EFHC2: variants seen among roughly 807,000 people sequenced by gnomAD.
EFHC2 encodes the protein EF-hand domain containing 2.
A neutral mutation model predicts 52.7 loss-of-function variants in EFHC2; 18 were observed. The observed-to-expected ratio is 0.34, with a 90% CI of 0.24 to 0.51. The LOEUF (loss-of-function observed/expected upper bound fraction) is 0.51, where lower values mean the gene tolerates loss of function less well. EFHC2 is among the 20% of genes least tolerant of loss of function. The pLI is 0.97. For missense variants in EFHC2, 513 were observed against 562.5 expected (o/e 0.91, Z 0.89); for synonymous variants, 203 against 204.1 (o/e 0.99, Z 0.04).
rs762888266 is a variant in EFHC2 at position 44,246,773 on chromosome X, C to A, written c.1111+1499G>T. 3.1e-3 allele frequency among the ~76,000 whole-genome samples: 349 copies of A among 111,771 alleles called. 1 individual carries two copies. Among genetic ancestry groups the A allele is most frequent in the Non-Finnish European group, 5.3e-3 (280 of 53,197 alleles). ...CCCAAATGCAACTTTCATATTCTCACCAAGCTGACAGACAAACATCAACCA... is the reference window on the plus strand; with the variant it reads ...CCCAAATGCAACTTTCATATTCTCAACAAGCTGACAGACAAACATCAACCA... On this transcript the variant is annotated intron_variant, in intron 7 of 14. Coordinates refer to ENST00000420999, the MANE Select transcript of EFHC2 (RefSeq NM_025184.4).
intron 2 of EFHC2, 112 bp from the exon 3 acceptor site, chrX:44,272,948 G>T (rs1302149742): frequency 3.4e-5 from 22 of 639,128 alleles, no homozygotes; most frequent in Non-Finnish European, 4.1e-5. Flanking sequence ...AAAGTAGAGA[G>T]AATTTTTCCA....
At chrX:44,337,700 T>C (rs1298206534) in intron 1 of EFHC2, among the ~76,000 whole-genome samples, 2 of 112,550 alleles carry the variant, frequency 1.8e-5, no homozygotes, top group African/African-American at 6.4e-5. Flanking sequence ...TTTATTTATT[T>C]CACATAAATT....
intron 3 of EFHC2, among the ~76,000 whole-genome samples, chrX:44,267,069 T>A (rs943693538): frequency 8.9e-6 from 1 of 111,785 alleles, no homozygotes; most frequent in Admixed American, 9.5e-5. Flanking sequence ...CACTTTCAAC[T>A]GAGAACAACT....
chrX:44,200,211 T>A (rs2036996379), intron 11 of EFHC2, among the ~76,000 whole-genome samples: 4 of 111,642 alleles, frequency 3.6e-5, no homozygotes, highest in African/African-American at 1.3e-4. Flanking sequence ...AAAGATTTTT[T>A]AAAAACTACT....
At chrX:44,301,190 C>T (rs1278135058) in intron 2 of EFHC2, among the ~76,000 whole-genome samples, 2 of 109,366 alleles carry the variant, frequency 1.8e-5, no homozygotes, top group African/African-American at 6.7e-5. Context: ...GATCAGCTGG[C>T]ACCACCCAGA....
At chrX:44,165,135 G>A (rs1158666170) in intron 13 of EFHC2, among the ~76,000 whole-genome samples, 1 of 111,466 alleles carries the variant, frequency 9.0e-6, no homozygotes, top group African/African-American at 3.3e-5. Flanking sequence ...CCAGGATCCT[G>A]CCCTTAAAAT....
chrX:44,173,164 T>C (rs1466550175), intron 13 of EFHC2, among the ~76,000 whole-genome samples: 1 of 112,186 alleles, frequency 8.9e-6, no homozygotes, highest in Non-Finnish European at 1.9e-5. Context: ...AGCCATATTG[T>C]TTTTCATCTC....
intron 4 of EFHC2, among the ~76,000 whole-genome samples, chrX:44,252,704 G>T (rs1007857859): frequency 8.9e-6 from 1 of 112,037 alleles, no homozygotes; most frequent in African/African-American, 3.2e-5. Flanking sequence ...ATTTATTGAA[G>T]AATTTTCTCC....
In EFHC2 at chrX:44,242,269, A is replaced by G. The variant is rs755953711; in HGVS notation, c.1132T>C (p.Cys378Arg). 1.4e-5 allele frequency: 17 copies of G among 1,206,232 alleles called. No individual in the cohort carries two copies. The South Asian group carries it at 2.9e-4, about 20-fold the overall frequency. The change falls in exon 8 of 15, where the codon TGC (cysteine) becomes CGC (arginine). Residue 378 changes from cysteine to arginine, a missense_variant. Physicochemically the swap from Cys to Arg is radical, Grantham distance 180. Coordinates refer to ENST00000420999, the MANE Select transcript of EFHC2 (RefSeq NM_025184.4). ...YGIENFTSVS[C>R]KPPSPPPKIE... ...TTTGGAGGAGGAGAAGGAGGCTTGC[A>G]TGAAACTGAGGTAAAGTTCTCTAGA...
intron 1 of EFHC2, among the ~76,000 whole-genome samples, chrX:44,319,933 T>A (rs762373523): frequency 2.7e-4 from 30 of 109,614 alleles, no homozygotes; most frequent in Non-Finnish European, 3.6e-4. Flanking sequence ...TATTTATTTT[T>A]TTTATTTTTT....
At chrX:44,323,020 A>T (rs935210106) in intron 1 of EFHC2, among the ~76,000 whole-genome samples, 1 of 111,610 alleles carries the variant, frequency 9.0e-6, no homozygotes, top group African/African-American at 3.3e-5. Flanking sequence ...CTAAAAAAAA[A>T]AGGGACCAAG....
intron 3 of EFHC2, among the ~76,000 whole-genome samples, chrX:44,265,031 G>A (rs1337571956): frequency 9.0e-6 from 1 of 110,779 alleles, no homozygotes; most frequent in East Asian, 2.8e-4. Flanking sequence ...TCATCTTCAT[G>A]TTTTACATTT....
intron 11 of EFHC2, among the ~76,000 whole-genome samples, chrX:44,209,663 C>A (rs897628096): frequency 1.8e-5 from 2 of 108,572 alleles, no homozygotes; most frequent in South Asian, 8.3e-4. Context: ...GGTCCCCAAC[C>A]CCCAGGCCAC....
intron 1 of EFHC2, among the ~76,000 whole-genome samples, chrX:44,333,053 A>G (rs2038097265): frequency 9.0e-6 from 1 of 111,541 alleles, no homozygotes; most frequent in African/African-American, 3.3e-5. Flanking sequence ...TGGTTGCTGC[A>G]GGTAGAGGCA....
rs1205532472 is a variant in EFHC2, at chrX:44,272,820, G to C, written c.248C>G (p.Ala83Gly). 1.9e-5 allele frequency: 22 copies of C among 1,157,694 alleles called. No individual in the cohort carries two copies. The highest frequency in any genetic ancestry group is 2.3e-5 in the Non-Finnish European group (20 of 866,631). ...ATCAAGTACTTCCTCTTCCAAATAG[G>C]CATCAAAAGATAATACCTGTTGGAA... is the stretch of plus-strand genomic sequence containing the variant. ...AFDKQVLSFD[A>G]YLEEEVLDKS... Residue 83 changes from alanine (A) to glycine (G), a missense_variant, in exon 3 of 15, where the codon GCC becomes GGC. Physicochemically the swap from Ala to Gly is moderately conservative, Grantham distance 60 (BLOSUM62 0). Coordinates refer to ENST00000420999, the MANE Select transcript of EFHC2 (RefSeq NM_025184.4).
At chrX:44,246,131 TA>T (rs1440902025) in intron 7 of EFHC2, among the ~76,000 whole-genome samples, 3 of 112,277 alleles carry the variant, frequency 2.7e-5, no homozygotes, top group Non-Finnish European at 3.8e-5. Flanking sequence ...TTGGTCAATT[TA>T]AAAAATTGCT....
chrX:44,294,334 A>T (rs780587538), intron 2 of EFHC2, among the ~76,000 whole-genome samples: 52 of 107,545 alleles, frequency 4.8e-4, no homozygotes, highest in Admixed American at 9.1e-4. Context: ...AGGCAAAAAC[A>T]CTCCTTCATG....
chrX:44,180,513 G>A (rs1395490426), intron 11 of EFHC2, among the ~76,000 whole-genome samples: 1 of 111,948 alleles, frequency 8.9e-6, no homozygotes, highest in Non-Finnish European at 1.9e-5. Flanking sequence ...AGGCCAAGAT[G>A]GGCAGATCGC....
intron 14 of EFHC2, among the ~76,000 whole-genome samples, chrX:44,150,538 G>A (rs1174131160): frequency 9.0e-6 from 1 of 111,597 alleles, no homozygotes; most frequent in African/African-American, 3.3e-5. Flanking sequence ...CTTGGCCAGG[G>A]AAATGACAGA....
Sources: allele counts gnomAD v4.1 joint callset (sites outside exome capture counted in the v4.1 genomes callset), GRCh38; gene constraint gnomAD v4.1.1; transcripts MANE v1.5; gene names NCBI Gene and HGNC (gene_info 2026-07-23, HGNC 2026-07-21).